LOXL2: variants seen among roughly 807,000 people sequenced by gnomAD.
LOXL2 encodes lysyl oxidase homolog 2.
Under a neutral mutation model 93.0 loss-of-function variants are expected in LOXL2, and 70 were observed. That is an observed-to-expected ratio of 0.75 (90% confidence interval 0.62 to 0.92). The LOEUF is 0.92. Among genes scored for constraint, LOXL2 ranks in the 40% least tolerant of loss-of-function variants. The pLI, the probability that LOXL2 is intolerant of heterozygous loss-of-function variation, is 0.00. For missense variants in LOXL2, 973 were observed against 1,054.9 expected, an observed-to-expected ratio of 0.92 and a Z score of 1.08; for synonymous variants, 438 against 413.2, an observed-to-expected ratio of 1.06 and a Z score of -0.73.
At chr8:23,336,588 C>T (rs565936851) in intron 4 of LOXL2, 1 of 152,374 alleles carries the variant, frequency 6.6e-6, no homozygotes, top group South Asian at 2.1e-4. Flanking sequence ...ACTGATTCAA[C>T]CAAGAGTCCT....
chr8:23,344,011 G>A lies in LOXL2; in HGVS notation c.532-2808C>T, dbSNP rs865920440. Among the ~76,000 whole-genome samples, 14 of 152,224 alleles carry A rather than the reference G, an allele frequency of 9.2e-5. No individual in the cohort carries two copies. In the East Asian group the frequency reaches 9.6e-4, roughly 10 times the overall value. On this transcript the variant is annotated intron_variant, in intron 3 of 13. Transcript: ENST00000389131. ...TCAGTTCACAGATCCTTTCCCCTGCGTTGGGCAGCAGTGCAGGCTCGCTGC... is the reference window on the plus strand; with the variant it reads ...TCAGTTCACAGATCCTTTCCCCTGCATTGGGCAGCAGTGCAGGCTCGCTGC...
chr8:23,384,850 G>C (rs905341992), intron 1 of LOXL2, among the ~76,000 whole-genome samples: 5 of 152,040 alleles, frequency 3.3e-5, no homozygotes, highest in African/African-American at 1.2e-4. Flanking sequence ...GGAGGCAGAG[G>C]TTGCAGTGAG....
At chr8:23,334,899 C>T (rs1327352803) in intron 4 of LOXL2, among the ~76,000 whole-genome samples, 1 of 151,832 alleles carries the variant, frequency 6.6e-6, no homozygotes, top group Non-Finnish European at 1.5e-5. Flanking sequence ...TCACTGCAAC[C>T]TCCACCTCCC....
chr8:23,338,712 G>C (rs896773633), intron 4 of LOXL2, among the ~76,000 whole-genome samples: 3 of 152,208 alleles, frequency 2.0e-5, no homozygotes, highest in Non-Finnish European at 4.4e-5. Flanking sequence ...GGGCCGGGCA[G>C]GGTGGTGGTC....
intron 2 of LOXL2, chr8:23,364,828 CAAG>C (rs530248946): frequency 3.3e-4 from 50 of 152,240 alleles, no homozygotes; most frequent in African/African-American, 1.1e-3. Flanking sequence ...GGTGATAAAG[CAAG>C]ACTCTGTCTC....
In LOXL2 at chr8:23,303,260, TCCCCCC is replaced by T. The variant is rs1247732883; in HGVS notation, c.1996+16_1996+21del. 6.7e-7 allele frequency: 1 copy of T among 1,485,424 alleles called. No homozygotes were observed. The highest frequency in any genetic ancestry group is 9.4e-7 in the Non-Finnish European group (1 of 1,063,738). 92.0% of individuals were successfully genotyped at this position (1,485,424 alleles called of 1,614,324 possible). A position where few individuals can be genotyped will look rare whatever the true frequency, so the allele number is the denominator to read the frequency against. On this transcript the variant is annotated intron_variant, in intron 11 of 13. Coordinates refer to ENST00000389131, the MANE Select transcript of LOXL2 (RefSeq NM_002318.3). ...ATTCGAGTCCCTCTGAGGCCTCCCA[TCCCCCC>T]ACTCCGCTCAGATACCTCCTTCACA... is the stretch of plus-strand genomic sequence containing the variant.
intron 1 of LOXL2, among the ~76,000 whole-genome samples, chr8:23,396,348 AAAC>A (rs1800089154): frequency 1.3e-5 from 2 of 151,870 alleles, no homozygotes; most frequent in Non-Finnish European, 2.9e-5. Context: ...ACAAACAAAC[AAAC>A]AAAAAAACGA....
chr8:23,334,880 G>C (rs1477850533), intron 4 of LOXL2, among the ~76,000 whole-genome samples: 1 of 150,614 alleles, frequency 6.6e-6, no homozygotes, highest in Non-Finnish European at 1.5e-5. Context: ...GCTTTGGCGC[G>C]ATCTTAACTC....
At chr8:23,355,092 G>A (rs529832965) in intron 3 of LOXL2, among the ~76,000 whole-genome samples, 7 of 150,710 alleles carry the variant, frequency 4.6e-5, no homozygotes, top group Admixed American at 2.0e-4. Context: ...GATTACAGGC[G>A]TCTGCCACCA....
At chr8:23,391,002 G>A (rs1465159691) in intron 1 of LOXL2, among the ~76,000 whole-genome samples, 2 of 152,172 alleles carry the variant, frequency 1.3e-5, no homozygotes, top group Non-Finnish European at 1.5e-5. Flanking sequence ...GAGAGAATAT[G>A]AGAGCCAAGC....
intron 1 of LOXL2, among the ~76,000 whole-genome samples, chr8:23,383,573 C>A (rs1238800006): frequency 1.3e-5 from 2 of 151,588 alleles, no homozygotes; most frequent in Non-Finnish European, 2.9e-5. Flanking sequence ...CAAATTCATT[C>A]CTTGTCATTT....
intron 1 of LOXL2, among the ~76,000 whole-genome samples, chr8:23,379,436 T>C (rs1000775477): frequency 6.6e-6 from 1 of 152,224 alleles, no homozygotes; most frequent in African/African-American, 2.4e-5. Flanking sequence ...AACTCCATGC[T>C]GGGAGAACCA....
intron 10 of LOXL2, among the ~76,000 whole-genome samples, chr8:23,307,489 C>T (rs1803247631): frequency 6.6e-6 from 1 of 152,094 alleles, no homozygotes; most frequent in Non-Finnish European, 1.5e-5. Flanking sequence ...AGGCAGGGAG[C>T]CAGGGTCTCC....
At chr8:23,369,585 T>C (rs1804465764) in intron 1 of LOXL2, among the ~76,000 whole-genome samples, 1 of 152,148 alleles carries the variant, frequency 6.6e-6, no homozygotes, top group South Asian at 2.1e-4. Flanking sequence ...ATGATCTGCC[T>C]TGGAGTGAGG....
intron 2 of LOXL2, among the ~76,000 whole-genome samples, chr8:23,362,357 G>A (rs1804309709): frequency 1.3e-5 from 2 of 152,312 alleles, no homozygotes; most frequent in South Asian, 4.1e-4. Flanking sequence ...TGCAGTTTCA[G>A]TTTTGCAAAA....
chr8:23,344,903 A>G (rs1028178983), intron 3 of LOXL2, among the ~76,000 whole-genome samples: 1 of 152,198 alleles, frequency 6.6e-6, no homozygotes, highest in Non-Finnish European at 1.5e-5. Flanking sequence ...TACCGTATGC[A>G]TTCATTTAAC....
At chr8:23,385,291 G>C (rs10104889) in intron 1 of LOXL2, among the ~76,000 whole-genome samples, 10,762 of 148,026 alleles carry the variant, frequency 0.073, 517 homozygotes, top group African/African-American at 0.13. Flanking sequence ...CTGTTGCCCA[G>C]GCTGGAGTGC....
At chr8:23,375,235 T>C (rs1804569170) in intron 1 of LOXL2, among the ~76,000 whole-genome samples, 1 of 152,234 alleles carries the variant, frequency 6.6e-6, no homozygotes, top group Admixed American at 6.5e-5. Flanking sequence ...TTGTCAGGTT[T>C]GTTAAAGATC....
At position 23,342,739 on chromosome 8, in the gene LOXL2, C is replaced by G. The variant is rs189079851; in HGVS notation, c.532-1536G>C. ...AGCCACCGTGCCCGGCCTTTTTTTT[C>G]TTTTAATTAATTAATTTTTATTCTT... On this transcript the variant is annotated intron_variant, in intron 3 of 13. Coordinates refer to ENST00000389131, the MANE Select transcript of LOXL2 (RefSeq NM_002318.3). Among the ~76,000 whole-genome samples the G allele has an allele frequency of 3.8e-3, 571 of 151,298 alleles. 4 individuals carry two copies. The highest frequency in any genetic ancestry group is 6.6e-3 in the Non-Finnish European group (447 of 67,742).
Sources: allele counts gnomAD v4.1 joint callset (sites outside exome capture counted in the v4.1 genomes callset), GRCh38; gene constraint gnomAD v4.1.1; transcripts MANE v1.5; gene names NCBI Gene and HGNC (gene_info 2026-07-23, HGNC 2026-07-21).